Variants in KCND2 observed in about 807,000 individuals in gnomAD.
KCND2 encodes the protein A-type voltage-gated potassium channel KCND2.
KCND2 carries 16 observed loss-of-function variants against 54.4 expected under a neutral mutation model. The observed-to-expected ratio is 0.29, with a 90% CI of 0.20 to 0.45. KCND2 has a LOEUF of 0.45. Ranked by LOEUF, KCND2 falls within the 20% of genes least tolerant of loss-of-function variation. The pLI is 1.00. For synonymous variants in KCND2, 317 were observed against 310.7 expected, an observed-to-expected ratio of 1.02 and a Z score of -0.21; for missense variants, 486 against 824.2, an observed-to-expected ratio of 0.59 and a Z score of 5.02.
intron 1 of KCND2, among the ~76,000 whole-genome samples, chr7:120,720,823 G>A (rs974312288): frequency 1.3e-5 from 2 of 152,102 alleles, no homozygotes; most frequent in African/African-American, 4.8e-5. Context: ...AGTCCATTCT[G>A]TTGTAAACAC....
intron 1 of KCND2, among the ~76,000 whole-genome samples, chr7:120,491,932 C>A (rs902644859): frequency 3.9e-5 from 6 of 152,094 alleles, no homozygotes; most frequent in Non-Finnish European, 8.8e-5. Context: ...TAATTTAAAT[C>A]TTTAACCATT....
In KCND2 at chr7:120,609,055, C is replaced by A. The variant is rs150749560; in HGVS notation, c.1116-123848C>A. On this transcript the variant is annotated intron_variant, in intron 1 of 5. Coordinates refer to ENST00000331113, the MANE Select transcript of KCND2 (RefSeq NM_012281.3). ...GCTGGGATATAACCTTGGTTTTCAG[C>A]GGGTTAATCATCTCTCATAACATGG... Among the ~76,000 whole-genome samples, 74 of 152,046 alleles carry A rather than the reference C, an allele frequency of 4.9e-4. 1 individual carries two copies. The highest frequency in any genetic ancestry group is 1.8e-3 in the African/African-American group (73 of 41,502).
At chr7:120,435,077 TAACA>T in intron 1 of KCND2, among the ~76,000 whole-genome samples, 1 of 149,158 alleles carries the variant, frequency 6.7e-6, no homozygotes, top group Middle Eastern at 3.4e-3. Context: ...GCATATAGAA[TAACA>T]AACAATAAAT....
intron 1 of KCND2, among the ~76,000 whole-genome samples, chr7:120,595,884 C>T (rs1482692735): frequency 7.4e-5 from 11 of 148,474 alleles, no homozygotes; most frequent in African/African-American, 2.3e-4. Flanking sequence ...GGAAGGAAAG[C>T]GGAAAGGAGG....
At chr7:120,662,512 T>C (rs1791878714) in intron 1 of KCND2, among the ~76,000 whole-genome samples, 1 of 152,198 alleles carries the variant, frequency 6.6e-6, no homozygotes, top group African/African-American at 2.4e-5. Flanking sequence ...GATCTCTCTA[T>C]TGCATGTCTC....
intron 1 of KCND2, among the ~76,000 whole-genome samples, chr7:120,585,005 C>T (rs1433144639): frequency 6.6e-6 from 1 of 152,170 alleles, no homozygotes; most frequent in Non-Finnish European, 1.5e-5. Flanking sequence ...TGATCATTCT[C>T]TCTTTGGGGT....
At chr7:120,619,341 G>A (rs552408654) in intron 1 of KCND2, among the ~76,000 whole-genome samples, 24 of 152,334 alleles carry the variant, frequency 1.6e-4, no homozygotes, top group South Asian at 2.1e-4. Flanking sequence ...GAGCCAGGGA[G>A]GCAGAGGCTG....
chr7:120,406,674 A>C (rs1447971330), intron 1 of KCND2, among the ~76,000 whole-genome samples: 1 of 152,062 alleles, frequency 6.6e-6, no homozygotes, highest in Admixed American at 6.6e-5. Context: ...TGAGATACAC[A>C]TTAATGCAAA....
At chr7:120,308,230 C>A (rs1264551381) in intron 1 of KCND2, among the ~76,000 whole-genome samples, 1 of 152,044 alleles carries the variant, frequency 6.6e-6, no homozygotes, top group Non-Finnish European at 1.5e-5. Context: ...GACGCAAAAC[C>A]TTTTATGATT....
chr7:120,296,656 A>T (rs1247261582), intron 1 of KCND2, among the ~76,000 whole-genome samples: 3 of 152,048 alleles, frequency 2.0e-5, no homozygotes, highest in Non-Finnish European at 4.4e-5. Flanking sequence ...AGCAATTGGA[A>T]AGATCACTTT....
At chr7:120,381,855 A>C (rs2116028255) in intron 1 of KCND2, among the ~76,000 whole-genome samples, 1 of 152,196 alleles carries the variant, frequency 6.6e-6, no homozygotes, top group East Asian at 1.9e-4. Context: ...TTTCCCACTC[A>C]ATTTTAAGAA....
At chr7:120,332,692 A>G (rs866132346) in intron 1 of KCND2, among the ~76,000 whole-genome samples, 6 of 152,184 alleles carry the variant, frequency 3.9e-5, no homozygotes, top group South Asian at 2.1e-4. Flanking sequence ...AGAGGACCAT[A>G]TGGGTTATTG....
intron 1 of KCND2, among the ~76,000 whole-genome samples, chr7:120,534,506 A>G (rs2116369339): frequency 6.6e-6 from 1 of 152,200 alleles, no homozygotes; most frequent in East Asian, 1.9e-4. Context: ...GTGTAGAGGA[A>G]CCTAAGGATG....
chr7:120,705,885 T>C (rs1230286817), intron 1 of KCND2, among the ~76,000 whole-genome samples: 1 of 152,124 alleles, frequency 6.6e-6, no homozygotes, highest in Non-Finnish European at 1.5e-5. Context: ...CTTTGATTCC[T>C]TCTCTCTCTT....
At chr7:120,481,845 C>T (rs948673222) in intron 1 of KCND2, among the ~76,000 whole-genome samples, 2 of 152,214 alleles carry the variant, frequency 1.3e-5, no homozygotes, top group African/African-American at 4.8e-5. Context: ...ATAGCTACTT[C>T]ACCTAGATTT....
intron 1 of KCND2, among the ~76,000 whole-genome samples, chr7:120,421,998 A>G (rs1472149973): frequency 6.6e-6 from 1 of 152,224 alleles, no homozygotes; most frequent in Non-Finnish European, 1.5e-5. Flanking sequence ...GAAGGGCAGA[A>G]GGTTGTTCAG....
chr7:120,609,183 T>C (rs114829767), intron 1 of KCND2, among the ~76,000 whole-genome samples: 87 of 152,184 alleles, frequency 5.7e-4, no homozygotes, highest in African/African-American at 2.0e-3. Flanking sequence ...CTTGAGGACT[T>C]TGCTGATGTC....
intron 1 of KCND2, among the ~76,000 whole-genome samples, chr7:120,345,343 C>T (rs746886982): frequency 7.3e-4 from 111 of 152,060 alleles, no homozygotes; most frequent in Admixed American, 4.6e-4. Flanking sequence ...ATAACTAGTA[C>T]GATTAAGACA....
intron 1 of KCND2, among the ~76,000 whole-genome samples, chr7:120,314,777 A>G (rs140413492): frequency 9.8e-5 from 15 of 152,346 alleles, no homozygotes; most frequent in Non-Finnish European, 1.5e-4. Flanking sequence ...CTTGAAATCT[A>G]TAGTAGTCTC....
Sources: gnomAD v4.1 joint callset for allele counts (sites outside exome capture counted in the v4.1 genomes callset) on GRCh38, gnomAD v4.1.1 for gene constraint, MANE v1.5 for transcripts, NCBI Gene and HGNC (gene_info 2026-07-23, HGNC 2026-07-21) for gene names.